SPTA1: variants seen among roughly 807,000 people sequenced by gnomAD.
SPTA1 encodes the protein spectrin alpha chain, erythrocytic 1.
SPTA1 carries 177 observed loss-of-function variants against 324.7 expected under a neutral mutation model. The observed-to-expected ratio is 0.55, with a 90% CI of 0.48 to 0.62. The LOEUF is 0.62. Among genes scored for constraint, SPTA1 ranks in the 20% least tolerant of loss-of-function variants. SPTA1 has a pLI of 0.00. For missense variants in SPTA1, 3,162 were observed against 2,883.6 expected (o/e 1.10, Z -2.21); for synonymous variants, 1,195 against 1,041.3 (o/e 1.15, Z -2.84).
chr1:158,639,812 T>C (rs575341042), intron 34 of SPTA1, 58 bp downstream of exon 34: 11 of 1,613,440 alleles, frequency 6.8e-6, no homozygotes, highest in Admixed American at 5.0e-5. Context: ...GGTAAATTCA[T>C]TTGTCTGACA....
rs1335159550 is a variant in SPTA1, at chr1:158,645,267, G to C, written c.4115C>G (p.Ala1372Gly). ...CAAATCATCTCTCTCTAGCTTGACA[G>C]CTTGAAGCTTTTTTTCAATTTCAGG... ...ASPEIEKKLQ[A>G]VKLERDDLEK... Residue 1372 changes from alanine to glycine, a missense_variant, in exon 29 of 52, where the codon GCT becomes GGT. Transcript: ENST00000643759. 6.2e-7 allele frequency: 1 copy of C among 1,614,016 alleles called. No homozygotes were observed. Among genetic ancestry groups the C allele is most frequent in the African/African-American group, 1.3e-5 (1 of 75,032 alleles).
chr1:158,685,492 G>A (rs1655112095), intron 1 of SPTA1, 145 bp from the exon 2 acceptor site: 1 of 1,150,908 alleles, frequency 8.7e-7, no homozygotes, highest in Non-Finnish European at 1.2e-6. Context: ...AAGAGCTGTA[G>A]TATATTTACG....
At chr1:158,681,457 T>C in intron 4 of SPTA1, 70 bp downstream of exon 4, 1 of 1,609,756 alleles carries the variant, frequency 6.2e-7, no homozygotes, top group Non-Finnish European at 8.5e-7. Flanking sequence ...TAGTCTGCAG[T>C]AATTTGCTAT....
intron 10 of SPTA1, among the ~76,000 whole-genome samples, chr1:158,673,727 G>A (rs901104428): frequency 1.3e-5 from 2 of 152,152 alleles, no homozygotes; most frequent in South Asian, 4.1e-4. Flanking sequence ...GCATACGTCA[G>A]GAGGCAAAAT....
chr1:158,647,512 A>T, intron 27 of SPTA1, 27 bp downstream of exon 27: 1 of 1,612,252 alleles, frequency 6.2e-7, no homozygotes, highest in South Asian at 1.1e-5. Context: ...TAGAGGCCAG[A>T]CACGGAAGTT....
chr1:158,645,994 T>C (rs1337442178), intron 27 of SPTA1, among the ~76,000 whole-genome samples: 1 of 152,210 alleles, frequency 6.6e-6, no homozygotes, highest in African/African-American at 2.4e-5. Flanking sequence ...TTCTGTTGGT[T>C]ACTGTTCCTT....
At chr1:158,637,385 T>C (rs1006805383) in intron 36 of SPTA1, among the ~76,000 whole-genome samples, 1 of 152,226 alleles carries the variant, frequency 6.6e-6, no homozygotes, top group Non-Finnish European at 1.5e-5. Context: ...AGCAGCTTTG[T>C]AGAAGAGAAG....
chr1:158,639,837 T>C, intron 34 of SPTA1, 33 bp downstream of exon 34: 1 of 1,613,854 alleles, frequency 6.2e-7, no homozygotes, highest in Non-Finnish European at 8.5e-7. Flanking sequence ...TGTATTAAAC[T>C]CTTGTGTCTC....
chr1:158,645,549 T>A lies in SPTA1; in HGVS notation c.3942A>T (p.Ser1314=). 6.2e-7 allele frequency: 1 copy of A among 1,614,040 alleles called. No homozygotes were observed. Among genetic ancestry groups the A allele is most frequent in the South Asian group, 1.1e-5 (1 of 91,086 alleles). The part of the protein sequence containing the change: ...WISSIGGMVS[S]QELAEDLTGI... ...CAGTTAAGTCTTCGGCCAGCTCCTG[T>A]GATGATACCATGCCACCAATGCTAC... The change falls in exon 28 of 52, where the codon TCA becomes TCT. Residue 1314 remains serine, a synonymous_variant. Transcript: ENST00000643759.
rs1397822810 is a variant in SPTA1, at chr1:158,626,240, T to C, written c.5834-18A>G. 1 of 1,612,030 alleles carries C rather than the reference T, an allele frequency of 6.2e-7. No homozygotes were observed. Among genetic ancestry groups the C allele is most frequent in the South Asian group, 1.1e-5 (1 of 91,038 alleles). ...CTTATCAGCTAAAAGGCAAAAACAA[T>C]TAAGAAGAGAAAGACATTTGGTCTT... On this transcript the variant is annotated intron_variant, in intron 41 of 51. Transcript: ENST00000643759.
chr1:158,669,909 C>T (rs575578985), intron 12 of SPTA1, 123 bp from the exon 13 acceptor site: 2 of 881,086 alleles, frequency 2.3e-6, no homozygotes, highest in Middle Eastern at 2.2e-4. Flanking sequence ...TGAAGGCCAG[C>T]AGATGTAAGT....
At chr1:158,648,057 C>G (rs995470200) in intron 26 of SPTA1, among the ~76,000 whole-genome samples, 9 of 152,254 alleles carry the variant, frequency 5.9e-5, no homozygotes, top group Admixed American at 2.6e-4. Flanking sequence ...AATGCCAAGC[C>G]TCTGAGTATA....
chr1:158,638,018 G>T lies in SPTA1; in HGVS notation c.5189+15C>A. ...GCTTGTATTATCCACACATTTTTGAGCTGGTGGCACATACTCTATCCAGGA... is the reference window on the plus strand; with the variant it reads ...GCTTGTATTATCCACACATTTTTGATCTGGTGGCACATACTCTATCCAGGA... On this transcript the variant is annotated intron_variant, in intron 36 of 51. Coordinates refer to ENST00000643759, the MANE Select transcript of SPTA1 (RefSeq NM_003126.4). 1 of 1,612,680 alleles carries T rather than the reference G, an allele frequency of 6.2e-7. No homozygotes were observed. Among genetic ancestry groups the T allele is most frequent in the African/African-American group, 1.3e-5 (1 of 75,024 alleles).
Position 158,678,414 on chromosome 1 carries a change from G to C in SPTA1, c.799C>G (p.Gln267Glu). ...QKALSNAANL[Q>E]RFKRDVTEAI... is the part of the protein sequence containing the mutation. The stretch of plus-strand genomic sequence containing the variant: ...CCAGATCCATACCTTTTGAATCGTT[G>C]TAAGTTTGCAGCATTGGACAGAGCT... The change falls in exon 6 of 52, where the codon CAA becomes GAA. Residue 267 changes from glutamine to glutamate, a missense_variant. Physicochemically the swap from Gln to Glu is conservative, Grantham distance 29. Transcript: ENST00000643759. 1.2e-6 allele frequency: 2 copies of C among 1,613,596 alleles called. No individual in the cohort carries two copies. Among genetic ancestry groups the C allele is most frequent in the Non-Finnish European group, 1.7e-6 (2 of 1,179,668 alleles).
chr1:158,641,138 A>C (rs1317044729), intron 33 of SPTA1, among the ~76,000 whole-genome samples: 1 of 151,546 alleles, frequency 6.6e-6, no homozygotes, highest in Non-Finnish European at 1.5e-5. Flanking sequence ...CCTTTCCTTA[A>C]ACCTTATACA....
intron 46 of SPTA1, 28 bp from the exon 47 acceptor site, chr1:158,617,616 T>C: frequency 1.9e-6 from 3 of 1,584,298 alleles, no homozygotes; most frequent in Non-Finnish European, 2.6e-6. Flanking sequence ...GAAATCATTA[T>C]GCATCACATC....
intron 21 of SPTA1, 62 bp from the exon 22 acceptor site, chr1:158,653,487 A>T: frequency 1.2e-6 from 2 of 1,605,916 alleles, no homozygotes; most frequent in Non-Finnish European, 1.7e-6. Context: ...AACGGGAGAG[A>T]CTTCAACACT....
At position 158,681,516 on chromosome 1, in the gene SPTA1, A is replaced by C; in HGVS notation, c.531+11T>G. The C allele has an allele frequency of 6.2e-7, 1 of 1,613,506 alleles. No homozygotes were observed. The highest frequency in any genetic ancestry group is 8.5e-7 in the Non-Finnish European group (1 of 1,179,600). ...GGAGGCCCTGTGTGATTGCTGTTTT[A>C]AGTTCGATACCTTGTCTCCAATCCA... On this transcript the variant is annotated intron_variant, in intron 4 of 51. Transcript: ENST00000643759.
At chr1:158,618,154 A>G (rs1571375715) in intron 45 of SPTA1, 98 bp from the exon 46 acceptor site, 2 of 1,290,726 alleles carry the variant, frequency 1.5e-6, no homozygotes, top group African/African-American at 1.5e-5. Context: ...CAGATTTATG[A>G]AACATTTTAA....
Sources: allele counts gnomAD v4.1 joint callset (sites outside exome capture counted in the v4.1 genomes callset), GRCh38; gene constraint gnomAD v4.1.1; transcripts MANE v1.5; gene names NCBI Gene and HGNC (gene_info 2026-07-23, HGNC 2026-07-21).